Variants in PPM1D observed in about 807,000 individuals in gnomAD.
PPM1D encodes the protein protein phosphatase, Mg2+/Mn2+ dependent 1D, also known as protein phosphatase 1D.
In PPM1D, 52 loss-of-function variants were observed where a neutral mutation model predicts 58.3. The observed-to-expected ratio is 0.89, with a 90% confidence interval of 0.71 to 1.12. The LOEUF is 1.12. PPM1D is among the 50% of genes most tolerant of loss of function. The pLI is 0.00. For synonymous variants in PPM1D, 278 were observed against 285.1 expected, an observed-to-expected ratio of 0.98 and a Z score of 0.25; for missense variants, 564 against 777.2, an observed-to-expected ratio of 0.73 and a Z score of 3.26.
intron 3 of PPM1D, among the ~76,000 whole-genome samples, chr17:60,645,661 C>T (rs1465921980): frequency 1.3e-4 from 16 of 120,536 alleles, no homozygotes; most frequent in African/African-American, 2.8e-4. Context: ...TATATATATA[C>T]ACACACACAC....
chr17:60,653,960 T>C (rs756702457), intron 4 of PPM1D, among the ~76,000 whole-genome samples: 1 of 152,204 alleles, frequency 6.6e-6, no homozygotes, highest in Non-Finnish European at 1.5e-5. Flanking sequence ...TATGAGATCA[T>C]GTTACCTGCA....
At chr17:60,645,634 A>G (rs1022789735) in intron 3 of PPM1D, among the ~76,000 whole-genome samples, 10 of 135,676 alleles carry the variant, frequency 7.4e-5, no homozygotes, top group South Asian at 2.2e-4. Context: ...GTATATGTAT[A>G]TGTGTGTGTG....
intron 2 of PPM1D, among the ~76,000 whole-genome samples, chr17:60,626,530 G>T (rs966122569): frequency 6.6e-5 from 10 of 151,800 alleles, no homozygotes; most frequent in African/African-American, 2.4e-4. Flanking sequence ...TAGTAGCTGG[G>T]ACTACAGGCG....
At chr17:60,647,820 C>G (rs1186771522) in intron 3 of PPM1D, 72 bp from the exon 4 acceptor site, 1 of 1,423,096 alleles carries the variant, frequency 7.0e-7, no homozygotes, top group Non-Finnish European at 9.7e-7. Flanking sequence ...TAGATTTTCT[C>G]TTTTAATCTG....
At chr17:60,636,603 G>A (rs2031026251) in intron 3 of PPM1D, among the ~76,000 whole-genome samples, 1 of 152,180 alleles carries the variant, frequency 6.6e-6, no homozygotes, top group South Asian at 2.1e-4. Flanking sequence ...TAAAGTGTAA[G>A]TAAAGAGATG....
intron 1 of PPM1D, among the ~76,000 whole-genome samples, chr17:60,609,682 G>A (rs568194314): frequency 6.6e-6 from 1 of 152,166 alleles, no homozygotes; most frequent in East Asian, 1.9e-4. Flanking sequence ...TAGCTTGTTA[G>A]TCACTTAGTA....
At chr17:60,610,430 T>C (rs1399157996) in intron 1 of PPM1D, among the ~76,000 whole-genome samples, 1 of 152,216 alleles carries the variant, frequency 6.6e-6, no homozygotes. Context: ...AATATTGTGC[T>C]CATCCATTGT....
At chr17:60,654,023 T>A (rs1418985115) in intron 4 of PPM1D, among the ~76,000 whole-genome samples, 1 of 152,110 alleles carries the variant, frequency 6.6e-6, no homozygotes, top group Admixed American at 6.6e-5. Context: ...TTTATTTCTT[T>A]CTCTTGCCTA....
intron 1 of PPM1D, among the ~76,000 whole-genome samples, chr17:60,603,382 G>T (rs764209948): frequency 5.3e-5 from 8 of 152,058 alleles, no homozygotes; most frequent in Non-Finnish European, 1.2e-4. Flanking sequence ...ATATTTTAAA[G>T]AAAAAACACT....
chr17:60,620,912 TC>T (rs1435033872), intron 1 of PPM1D, among the ~76,000 whole-genome samples: 4 of 152,026 alleles, frequency 2.6e-5, no homozygotes, highest in African/African-American at 9.7e-5. Flanking sequence ...TTTTTGTTTT[TC>T]TTTTCTTTTC....
At chr17:60,601,603 C>A (rs957955873) in intron 1 of PPM1D, among the ~76,000 whole-genome samples, 2 of 152,096 alleles carry the variant, frequency 1.3e-5, no homozygotes, top group Admixed American at 6.6e-5. Context: ...TTGGAAATTG[C>A]CTTAGCTGAT....
chr17:60,615,279 C>T (rs2030559141), intron 1 of PPM1D, among the ~76,000 whole-genome samples: 1 of 151,940 alleles, frequency 6.6e-6, no homozygotes, highest in African/African-American at 2.4e-5. Context: ...CACCTGTAGC[C>T]AGCCCAGGCA....
chr17:60,624,897 T>C (rs1055107913), intron 2 of PPM1D, among the ~76,000 whole-genome samples: 2 of 152,158 alleles, frequency 1.3e-5, no homozygotes, highest in Non-Finnish European at 2.9e-5. Flanking sequence ...CCTAGCACTT[T>C]GGGAGACCGA....
intron 3 of PPM1D, among the ~76,000 whole-genome samples, chr17:60,645,397 G>T (rs1829995241): frequency 6.6e-6 from 1 of 150,770 alleles, no homozygotes. Context: ...TTTGGAAGTT[G>T]TCAGTAAAAG....
intron 3 of PPM1D, among the ~76,000 whole-genome samples, chr17:60,640,643 T>G (rs1032000891): frequency 6.6e-6 from 1 of 152,186 alleles, no homozygotes; most frequent in Non-Finnish European, 1.5e-5. Flanking sequence ...GTCATCCAGG[T>G]AGGGAGCATA....
At chr17:60,624,905 C>G (rs948870407) in intron 2 of PPM1D, among the ~76,000 whole-genome samples, 1 of 151,896 alleles carries the variant, frequency 6.6e-6, no homozygotes, top group African/African-American at 2.4e-5. Context: ...TTTGGGAGAC[C>G]GAGGCGGGTG....
rs1455439277 is a variant in PPM1D at position 60,663,383 on chromosome 17, A to G, written c.1649A>G (p.His550Arg). Residue 550 changes from histidine to arginine, a missense_variant, in exon 6 of 6, where the codon CAT (histidine) becomes CGT (arginine). By Grantham distance (29) the His-to-Arg change is conservative (BLOSUM62 0). Around this residue, in one of 7 missense-constraint regions of PPM1D, gnomAD observed 261 missense variants for 270.1 expected, o/e 0.97. Coordinates refer to ENST00000305921, the MANE Select transcript of PPM1D (RefSeq NM_003620.4). Reference sequence around the variant, plus strand: ...AATTCTGGCCCCCTGATGAAGAAGCATAGACGAAATGGCTTAAGTCGAAGT... The same window carrying G: ...AATTCTGGCCCCCTGATGAAGAAGCGTAGACGAAATGGCTTAAGTCGAAGT... Reference protein sequence around the residue: ...ESNSGPLMKKHRRNGLSRSSG... With the variant: ...ESNSGPLMKKRRRNGLSRSSG... The G allele has an allele frequency of 6.2e-7, 1 of 1,614,214 alleles. No individual in the cohort carries two copies. Among genetic ancestry groups the G allele is most frequent in the South Asian group, 1.1e-5 (1 of 91,092 alleles).
intron 1 of PPM1D, among the ~76,000 whole-genome samples, chr17:60,622,553 A>G (rs1471115816): frequency 6.6e-6 from 1 of 152,242 alleles, no homozygotes; most frequent in Non-Finnish European, 1.5e-5. Context: ...TTTAATATAC[A>G]GGGATTCTGC....
intron 1 of PPM1D, among the ~76,000 whole-genome samples, chr17:60,618,384 T>G (rs767417604): frequency 6.6e-6 from 1 of 152,240 alleles, no homozygotes; most frequent in Non-Finnish European, 1.5e-5. Flanking sequence ...TTACCTGCAA[T>G]GTACCAGTTT....
Sources: allele counts gnomAD v4.1 joint callset (sites outside exome capture counted in the v4.1 genomes callset), GRCh38; gene constraint gnomAD v4.1.1; regional missense constraint gnomAD v4.1.1; transcripts MANE v1.5; gene names NCBI Gene and HGNC (gene_info 2026-07-23, HGNC 2026-07-21).